LRFN5: variants seen among roughly 807,000 people sequenced by gnomAD.
LRFN5 encodes the protein leucine-rich repeat and fibronectin type-III domain-containing protein 5.
In LRFN5, 24 loss-of-function variants were observed where a neutral mutation model predicts 45.6. That is an observed-to-expected ratio of 0.53 (90% CI 0.38 to 0.74). The LOEUF (loss-of-function observed/expected upper bound fraction) is 0.74. LRFN5 is among the 30% of genes least tolerant of loss of function. The probability of loss-of-function intolerance (pLI) is 0.00; values close to 1 mark genes in which losing one functional copy is unlikely to be tolerated. For synonymous variants in LRFN5, 340 were observed against 313.8 expected (o/e 1.08, Z -0.88); for missense variants, 776 against 861.5 (o/e 0.90, Z 1.24).
At chr14:41,879,053 C>T (rs1890283494) in intron 2 of LRFN5, among the ~76,000 whole-genome samples, 1 of 151,808 alleles carries the variant, frequency 6.6e-6, no homozygotes, top group Non-Finnish European at 1.5e-5. Flanking sequence ...TTAGAGGTCT[C>T]ACACAGAAAA....
chr14:41,613,362 A>G (rs1295602636), intron 1 of LRFN5, among the ~76,000 whole-genome samples: 1 of 152,064 alleles, frequency 6.6e-6, no homozygotes, highest in Non-Finnish European at 1.5e-5. Flanking sequence ...GAACTAATGT[A>G]CATTCCAACC....
At chr14:41,774,140 G>A (rs1886192941) in intron 2 of LRFN5, among the ~76,000 whole-genome samples, 1 of 152,142 alleles carries the variant, frequency 6.6e-6, no homozygotes, top group Non-Finnish European at 1.5e-5. Flanking sequence ...AGTACTCTTG[G>A]CAACCAACAT....
chr14:41,815,157 T>C (rs763031302), intron 2 of LRFN5, among the ~76,000 whole-genome samples: 1 of 152,186 alleles, frequency 6.6e-6, no homozygotes, highest in Non-Finnish European at 1.5e-5. Flanking sequence ...CCAACTATAA[T>C]AATGAATTAA....
At chr14:41,889,276 C>T (rs1437727718) in intron 3 of LRFN5, among the ~76,000 whole-genome samples, 3 of 151,556 alleles carry the variant, frequency 2.0e-5, no homozygotes, top group African/African-American at 7.3e-5. Flanking sequence ...TAAACCTATC[C>T]TATCTAGTCA....
intron 1 of LRFN5, chr14:41,699,937 C>A (rs1882769841): frequency 6.6e-6 from 1 of 152,052 alleles, no homozygotes; most frequent in African/African-American, 2.4e-5. Context: ...AGGGCTCCTC[C>A]ATCTTGAGAG....
chr14:41,877,932 A>G (rs1169789933), intron 2 of LRFN5, among the ~76,000 whole-genome samples: 2 of 152,110 alleles, frequency 1.3e-5, no homozygotes, highest in African/African-American at 4.8e-5. Context: ...ATTACATTCA[A>G]TGTACTTAGC....
chr14:41,738,401 A>T (rs183060454), intron 1 of LRFN5, among the ~76,000 whole-genome samples: 69 of 152,320 alleles, frequency 4.5e-4, no homozygotes, highest in Admixed American at 3.9e-3. Flanking sequence ...CCCTGGAAGA[A>T]AACCTAGGCA....
intron 2 of LRFN5, among the ~76,000 whole-genome samples, chr14:41,805,419 TTTA>T (rs1343302701): frequency 2.0e-5 from 3 of 149,978 alleles, no homozygotes; most frequent in African/African-American, 7.3e-5. Flanking sequence ...TATTTATTTA[TTTA>T]TTATTATTAT....
intron 2 of LRFN5, among the ~76,000 whole-genome samples, chr14:41,874,454 G>A (rs1255323532): frequency 6.6e-6 from 1 of 152,106 alleles, no homozygotes; most frequent in Non-Finnish European, 1.5e-5. Context: ...CAATATCACA[G>A]CAACAATATA....
chr14:41,841,932 CTATTA>C (rs1888874407), intron 2 of LRFN5, among the ~76,000 whole-genome samples: 3 of 151,786 alleles, frequency 2.0e-5, no homozygotes, highest in Admixed American at 2.0e-4. Flanking sequence ...CCTAATTACT[CTATTA>C]TAATTTTCTA....
chr14:41,784,211 T>G (rs1174089250), intron 2 of LRFN5, among the ~76,000 whole-genome samples: 8 of 152,150 alleles, frequency 5.3e-5, no homozygotes, highest in Admixed American at 5.2e-4. Flanking sequence ...GTGAAGTGAA[T>G]GAAGGTAGTG....
chr14:41,675,626 G>A (rs1881597809), intron 1 of LRFN5, among the ~76,000 whole-genome samples: 1 of 152,020 alleles, frequency 6.6e-6, no homozygotes. Flanking sequence ...GAGGGGAGAG[G>A]GGAGAGGGGA....
chr14:41,749,612 A>G (rs1176617731), intron 1 of LRFN5, among the ~76,000 whole-genome samples: 1 of 152,124 alleles, frequency 6.6e-6, no homozygotes, highest in Non-Finnish European at 1.5e-5. Flanking sequence ...TGAAAGTGAA[A>G]CCATATGACC....
At chr14:41,782,547 C>G (rs1886566241) in intron 2 of LRFN5, among the ~76,000 whole-genome samples, 1 of 152,020 alleles carries the variant, frequency 6.6e-6, no homozygotes, top group South Asian at 2.1e-4. Flanking sequence ...TTTGCTTTGT[C>G]TCTTTAAACT....
At chr14:41,894,162 A>G (rs1890868142) in intron 4 of LRFN5, 1 of 984,896 alleles carries the variant, frequency 1.0e-6, no homozygotes, top group South Asian at 4.7e-5. Flanking sequence ...ACTTTCTGGG[A>G]TTATGAAGGT....
chr14:41,865,426 A>G (rs1889806871), intron 2 of LRFN5, among the ~76,000 whole-genome samples: 2 of 152,218 alleles, frequency 1.3e-5, no homozygotes, highest in South Asian at 4.1e-4. Flanking sequence ...GCCAAATAAT[A>G]TAGCATTGTG....
chr14:41,634,338 AAGTT>A (rs765593780), intron 1 of LRFN5, among the ~76,000 whole-genome samples: 1 of 152,108 alleles, frequency 6.6e-6, no homozygotes, highest in Non-Finnish European at 1.5e-5. Context: ...ATATGTCACT[AAGTT>A]AGGAAGTTCT....
intron 2 of LRFN5, among the ~76,000 whole-genome samples, chr14:41,790,068 C>T (rs538812730): frequency 6.6e-6 from 1 of 151,846 alleles, no homozygotes; most frequent in African/African-American, 2.4e-5. Context: ...ACATCTGAGC[C>T]TGGAATTTTC....
chr14:41,897,796 A>G (rs1056208787), intron 4 of LRFN5, among the ~76,000 whole-genome samples: 3 of 152,140 alleles, frequency 2.0e-5, no homozygotes, highest in African/African-American at 4.8e-5. Context: ...AACAAAAACG[A>G]AATATTTTCA....
Sources: gnomAD v4.1 joint callset for allele counts (sites outside exome capture counted in the v4.1 genomes callset) on GRCh38, gnomAD v4.1.1 for gene constraint, MANE v1.5 for transcripts, NCBI Gene and HGNC (gene_info 2026-07-23, HGNC 2026-07-21) for gene names.